PAXIP1: variants seen among roughly 807,000 people sequenced by gnomAD.
PAXIP1 encodes PAX-interacting protein 1.
A neutral mutation model predicts 140.6 loss-of-function variants in PAXIP1; 19 were observed. The observed-to-expected ratio is 0.14, with a 90% CI of 0.09 to 0.20. The LOEUF (loss-of-function observed/expected upper bound fraction) is 0.20, where lower values mean the gene tolerates loss of function less well. PAXIP1 is among the 10% of genes least tolerant of loss of function. The pLI, the probability that PAXIP1 is intolerant of heterozygous loss-of-function variation, is 1.00. For synonymous variants in PAXIP1, 442 were observed against 444.6 expected (o/e 0.99, Z 0.07); for missense variants, 920 against 1,208.6 (o/e 0.76, Z 3.54).
intron 4 of PAXIP1, among the ~76,000 whole-genome samples, chr7:154,990,245 T>C (rs1358480790): frequency 2.0e-5 from 3 of 152,076 alleles, no homozygotes; most frequent in African/African-American, 4.8e-5. Flanking sequence ...TTCGCCACGT[T>C]TGCCAGGCTG....
At chr7:154,971,529 C>T (rs375235832) in intron 6 of PAXIP1, among the ~76,000 whole-genome samples, 5 of 152,210 alleles carry the variant, frequency 3.3e-5, no homozygotes, top group Admixed American at 6.5e-5. Flanking sequence ...CACATTCATC[C>T]GATCACTTTT....
At chr7:154,984,414 G>A (rs1248045308) in intron 4 of PAXIP1, among the ~76,000 whole-genome samples, 1 of 152,212 alleles carries the variant, frequency 6.6e-6, no homozygotes, top group Non-Finnish European at 1.5e-5. Flanking sequence ...ACTTTGTCTC[G>A]TTAATTTTTT....
intron 8 of PAXIP1, among the ~76,000 whole-genome samples, chr7:154,966,504 CT>C (rs529120773): frequency 2.0e-5 from 3 of 152,206 alleles, no homozygotes; most frequent in Non-Finnish European, 4.4e-5. Flanking sequence ...TGTTAGACCT[CT>C]TGGATAAATC....
rs550852318 is a variant in PAXIP1 at position 154,989,049 on chromosome 7, T to C, written c.324+1957A>G. 1.3e-4 allele frequency among the ~76,000 whole-genome samples: 20 copies of C among 152,224 alleles called. No individual in the cohort carries two copies. The South Asian group carries it at 2.3e-3, about 17-fold the overall frequency. ...CACTTATAACAGATATGAAAAAACA[T>C]TGCAAAATACAAATACCAACAAAAT... On this transcript the variant is annotated intron_variant, in intron 4 of 20. Coordinates refer to ENST00000404141, the MANE Select transcript of PAXIP1 (RefSeq NM_007349.4).
intron 16 of PAXIP1, among the ~76,000 whole-genome samples, chr7:154,953,824 A>C (rs1241516376): frequency 6.6e-6 from 1 of 152,228 alleles, no homozygotes; most frequent in Admixed American, 6.5e-5. Flanking sequence ...GAACAATGGA[A>C]GATGGGCAAG....
In PAXIP1 at chr7:154,967,819, T is replaced by C. The variant is rs764535355; in HGVS notation, c.1890A>G (p.Lys630=). ...MSDKQLLATW[K]RIIQAHGGTV... ...CTTCCTCCAGGCACAATCTCACCCT[T>C]TTCCAGGTGGCCAGCAGTTGCTTAT... Residue 630 remains lysine (K), a synonymous_variant, in exon 8 of 21, where the codon AAA becomes AAG. Transcript: ENST00000404141. 2 of 1,610,566 alleles carry C rather than the reference T, an allele frequency of 1.2e-6. No homozygotes were observed. The highest frequency in any genetic ancestry group is 1.7e-5 in the Admixed American group (1 of 60,004).
rs1293450746 is a variant in PAXIP1 at position 154,973,122 on chromosome 7, TCTCATGGGCACCCAC to T, written c.1074+2559_1074+2573del. Among the ~76,000 whole-genome samples the T allele has an allele frequency of 2.0e-5, 3 of 152,106 alleles. No homozygotes were observed. The highest frequency in any genetic ancestry group is 2.9e-5 in the Non-Finnish European group (2 of 68,018). On this transcript the variant is annotated intron_variant, in intron 6 of 20. Transcript: ENST00000404141. The surrounding 1 kb of genome is among the most constrained non-coding windows in gnomAD (Gnocchi z 4.0). Reference sequence around the variant, plus strand: ...CCCTAAACTCGGCTGACCCCAGCGCTCTCATGGGCACCCACCTGGACAATCCCTGGCCTTGCAGCT... The same window carrying T: ...CCCTAAACTCGGCTGACCCCAGCGCTCTGGACAATCCCTGGCCTTGCAGCT...
chr7:154,947,986 G>T lies in PAXIP1; in HGVS notation c.2839C>A (p.Leu947Ile). ...QKFIDEQNYI[L>I]RDAEAEVLFS... is the part of the protein sequence containing the mutation. Reference sequence around the variant, plus strand: ...AGTACTTCTGCCTCAGCATCTCGGAGAATGTAGTTCTGCTCATCTGGAAAA... The same window carrying T: ...AGTACTTCTGCCTCAGCATCTCGGATAATGTAGTTCTGCTCATCTGGAAAA... Residue 947 changes from leucine to isoleucine, a missense_variant, in exon 17 of 21, where the codon CTC (leucine) becomes ATC (isoleucine). Leu to Ile is a conservative substitution (Grantham distance 5, BLOSUM62 2). This residue lies in a region of PAXIP1 where 303 missense variants were observed against 517.9 expected (regional missense o/e 0.59). Transcript: ENST00000404141. 1 of 1,612,474 alleles carries T rather than the reference G, an allele frequency of 6.2e-7. No individual in the cohort carries two copies. Among genetic ancestry groups the T allele is most frequent in the Non-Finnish European group, 8.5e-7 (1 of 1,178,480 alleles).
intron 1 of PAXIP1, chr7:155,000,943 CTGCTACACCTTGTACTGTGATA>C (rs1242246154): frequency 2.0e-5 from 3 of 152,226 alleles, no homozygotes; most frequent in Non-Finnish European, 4.4e-5. Flanking sequence ...GTGGAGAAAT[CTGCTACACCTTGTACTGTGATA>C]TGTCCAGGTG....
chr7:154,990,977 A>G (rs945466549), intron 4 of PAXIP1, 29 bp downstream of exon 4: 3 of 1,408,172 alleles, frequency 2.1e-6, no homozygotes, highest in Non-Finnish European at 1.9e-6. Context: ...ACATATAAAT[A>G]ACTCAAGACT....
intron 9 of PAXIP1, among the ~76,000 whole-genome samples, chr7:154,962,900 C>A (rs1197066511): frequency 6.6e-6 from 1 of 152,208 alleles, no homozygotes; most frequent in Non-Finnish European, 1.5e-5. Context: ...GAATGGCTAT[C>A]CTCTTTAAGA....
intron 1 of PAXIP1, chr7:155,000,711 A>G (rs1810849824): frequency 6.6e-6 from 1 of 152,192 alleles, no homozygotes. Context: ...CTTCTCTTCA[A>G]TCTCCACACT....
intron 1 of PAXIP1, chr7:155,001,229 T>C (rs544309535): frequency 6.6e-6 from 1 of 152,258 alleles, no homozygotes; most frequent in East Asian, 1.9e-4. Context: ...GTCGAGTAAA[T>C]ATGGTTCCAG....
At chr7:154,960,186 C>T (rs1360248099) in intron 12 of PAXIP1, among the ~76,000 whole-genome samples, 1 of 152,194 alleles carries the variant, frequency 6.6e-6, no homozygotes, top group African/African-American at 2.4e-5. Flanking sequence ...AACAACAAAG[C>T]AAACGTTGTG....
intron 5 of PAXIP1, among the ~76,000 whole-genome samples, chr7:154,977,510 C>T (rs941365039): frequency 6.6e-5 from 10 of 152,176 alleles, no homozygotes; most frequent in African/African-American, 2.4e-4. Flanking sequence ...CAGGCATTGC[C>T]CATCTGGGAG....
intron 4 of PAXIP1, among the ~76,000 whole-genome samples, chr7:154,985,031 A>G (rs1375392859): frequency 6.6e-6 from 1 of 152,136 alleles, no homozygotes; most frequent in African/African-American, 2.4e-5. Context: ...CAACTTGGAA[A>G]ACTTCCATGA....
chr7:154,947,106 A>AT, intron 17 of PAXIP1: 1 of 243,038 alleles, frequency 4.1e-6, no homozygotes, highest in Admixed American at 5.1e-5. Flanking sequence ...TATTACAAAT[A>AT]TTTTTCACAA....
At position 154,957,291 on chromosome 7, in the gene PAXIP1, T is replaced by C. The variant is rs565335152; in HGVS notation, c.2482A>G (p.Ile828Val). The C allele has an allele frequency of 7.0e-6, 11 of 1,581,270 alleles. No individual in the cohort carries two copies. Among genetic ancestry groups the C allele is most frequent in the Non-Finnish European group, 8.7e-6 (10 of 1,155,376 alleles). ...LKVSAELLMS[I>V]RLPPKLKQNE... is the part of the protein sequence containing the mutation. ...TGTTTCAGTTTGGGAGGTAGTCTTA[T>C]ACTCTGCAATTAAAATATTGTCGAC... Residue 828 changes from isoleucine to valine, a missense_variant, in exon 14 of 21, where the codon ATA becomes GTA. Ile to Val is a conservative substitution (Grantham distance 29, BLOSUM62 3). Around this residue, in one of 5 missense-constraint regions of PAXIP1, gnomAD observed 303 missense variants for 517.9 expected, o/e 0.59. Transcript: ENST00000404141.
chr7:154,975,648 C>A, intron 6 of PAXIP1, 48 bp downstream of exon 6: 1 of 1,288,274 alleles, frequency 7.8e-7, no homozygotes, highest in South Asian at 1.4e-5. Flanking sequence ...CTGTGAAATC[C>A]AATTCTAAGA....
Sources: gnomAD v4.1 joint callset for allele counts (sites outside exome capture counted in the v4.1 genomes callset) on GRCh38, gnomAD v4.1.1 for gene constraint, gnomAD v4.1.1 regional missense constraint, Gnocchi (gnomAD v3.1) non-coding constraint, MANE v1.5 for transcripts, NCBI Gene and HGNC (gene_info 2026-07-23, HGNC 2026-07-21) for gene names.